DGKI: variants seen among roughly 807,000 people sequenced by gnomAD.
DGKI encodes DAG kinase iota.
A neutral mutation model predicts 147.5 loss-of-function variants in DGKI; 55 were observed. The observed-to-expected ratio is 0.37, with a 90% CI of 0.30 to 0.47. The LOEUF (loss-of-function observed/expected upper bound fraction) is 0.47. Ranked by LOEUF, DGKI falls within the 20% of genes least tolerant of loss-of-function variation. The pLI is 1.00. For missense variants in DGKI, 1,007 were observed against 1,323.8 expected (o/e 0.76, Z 3.71); for synonymous variants, 469 against 477.1 (o/e 0.98, Z 0.22).
chr7:137,691,836 CCTAT>C (rs1471319221), intron 1 of DGKI, among the ~76,000 whole-genome samples: 1 of 72,652 alleles, frequency 1.4e-5, no homozygotes, highest in African/African-American at 6.5e-5. Flanking sequence ...CTCTTGTATT[CCTAT>C]ACAGGAAGTC....
At chr7:137,645,739 T>C (rs1821802712) in intron 5 of DGKI, among the ~76,000 whole-genome samples, 1 of 152,210 alleles carries the variant, frequency 6.6e-6, no homozygotes. Context: ...ATTGAGTATG[T>C]TTTAATTTGC....
At chr7:137,591,565 G>A (rs1412697332) in intron 12 of DGKI, among the ~76,000 whole-genome samples, 1 of 152,070 alleles carries the variant, frequency 6.6e-6, no homozygotes, top group Non-Finnish European at 1.5e-5. Flanking sequence ...GTGGGGCACC[G>A]AGCTGAGCGG....
At chr7:137,496,905 A>G (rs1049143705) in intron 21 of DGKI, among the ~76,000 whole-genome samples, 1 of 152,172 alleles carries the variant, frequency 6.6e-6, no homozygotes, top group African/African-American at 2.4e-5. Flanking sequence ...TTTCATGACA[A>G]AGATACCAAA....
intron 23 of DGKI, among the ~76,000 whole-genome samples, chr7:137,484,464 T>C (rs762877128): frequency 1.3e-5 from 2 of 151,980 alleles, no homozygotes; most frequent in Non-Finnish European, 2.9e-5. Context: ...TGGAGAGAAT[T>C]GTTGGCATGC....
intron 12 of DGKI, among the ~76,000 whole-genome samples, chr7:137,592,720 A>T (rs1348484110): frequency 6.6e-6 from 1 of 152,260 alleles, no homozygotes; most frequent in Non-Finnish European, 1.5e-5. Context: ...ATGACCACAC[A>T]GTATTGGATG....
At chr7:137,737,379 C>A (rs1477583928) in intron 1 of DGKI, among the ~76,000 whole-genome samples, 8 of 151,944 alleles carry the variant, frequency 5.3e-5, no homozygotes, top group African/African-American at 1.7e-4. Context: ...AATCTGCATT[C>A]TATTCATAAT....
intron 1 of DGKI, among the ~76,000 whole-genome samples, chr7:137,780,997 T>C (rs1796501734): frequency 6.6e-6 from 1 of 152,308 alleles, no homozygotes; most frequent in Non-Finnish European, 1.5e-5. Context: ...TCTGTGCAGT[T>C]TGGGGAACAA....
At chr7:137,576,857 T>A (rs751661986) in intron 17 of DGKI, among the ~76,000 whole-genome samples, 1 of 151,566 alleles carries the variant, frequency 6.6e-6, no homozygotes, top group East Asian at 1.9e-4. Context: ...GCTAACATCA[T>A]TTTTTTTTAT....
At chr7:137,472,320 T>TATTATATGTATATACATATAA in intron 23 of DGKI, among the ~76,000 whole-genome samples, 1,171 of 12,294 alleles carry the variant, frequency 0.095, 235 homozygotes, top group African/African-American at 0.19. Flanking sequence ...ATACATATAA[T>TATTATATGTATATACATATAA]TATTATATGT....
At chr7:137,813,414 G>T (rs903615341) in intron 1 of DGKI, among the ~76,000 whole-genome samples, 1 of 152,204 alleles carries the variant, frequency 6.6e-6, no homozygotes, top group Non-Finnish European at 1.5e-5. Context: ...CAGGAAGAAA[G>T]AATGAAAGTG....
At chr7:137,543,740 C>T (rs1484174903) in intron 20 of DGKI, among the ~76,000 whole-genome samples, 1 of 152,130 alleles carries the variant, frequency 6.6e-6, no homozygotes, top group Non-Finnish European at 1.5e-5. Flanking sequence ...TACTGGGGCT[C>T]CTAACTTCTA....
At chr7:137,798,629 A>G (rs1797105852) in intron 1 of DGKI, among the ~76,000 whole-genome samples, 1 of 152,074 alleles carries the variant, frequency 6.6e-6, no homozygotes, top group Admixed American at 6.6e-5. Context: ...CATGTTGCTC[A>G]GGCTAGTCTT....
chr7:137,827,644 T>C (rs1338696974), intron 1 of DGKI, among the ~76,000 whole-genome samples: 1 of 152,212 alleles, frequency 6.6e-6, no homozygotes, highest in Non-Finnish European at 1.5e-5. Context: ...ATCATGTGCA[T>C]CATGCTATGC....
intron 1 of DGKI, among the ~76,000 whole-genome samples, chr7:137,832,046 T>A (rs1372876127): frequency 6.6e-6 from 1 of 152,216 alleles, no homozygotes; most frequent in African/African-American, 2.4e-5. Context: ...AAGAGATGGG[T>A]TCCCATGGTC....
chr7:137,443,222 G>A (rs921454532), intron 28 of DGKI, among the ~76,000 whole-genome samples: 1 of 152,100 alleles, frequency 6.6e-6, no homozygotes, highest in African/African-American at 2.4e-5. Flanking sequence ...TTGAAAAGCT[G>A]AACACAATTA....
chr7:137,761,132 T>C (rs1279817876), intron 1 of DGKI, among the ~76,000 whole-genome samples: 1 of 152,238 alleles, frequency 6.6e-6, no homozygotes, highest in African/African-American at 2.4e-5. Context: ...GTCTGTTTCT[T>C]TGTTTTGCCT....
At chr7:137,618,153 T>TATATATATATATATATATATATATA (rs1563114668) in intron 8 of DGKI, among the ~76,000 whole-genome samples, 1 of 9,640 alleles carries the variant, frequency 1.0e-4, no homozygotes, top group African/African-American at 1.8e-4. Flanking sequence ...ATATATATAT[T>TATATATATATATATATATATATATA]TTTTTTTTTT....
intron 19 of DGKI, among the ~76,000 whole-genome samples, chr7:137,564,764 T>A (rs1818527072): frequency 6.6e-6 from 1 of 152,240 alleles, no homozygotes; most frequent in Non-Finnish European, 1.5e-5. Context: ...ATCATTTATG[T>A]CTGTATCCAT....
intron 1 of DGKI, among the ~76,000 whole-genome samples, chr7:137,725,035 T>C (rs1794679968): frequency 6.6e-6 from 1 of 152,144 alleles, no homozygotes; most frequent in African/African-American, 2.4e-5. Flanking sequence ...GGCAAAGCTC[T>C]TTATACAGAG....
Sources: gnomAD v4.1 joint callset for allele counts (sites outside exome capture counted in the v4.1 genomes callset) on GRCh38, gnomAD v4.1.1 for gene constraint, MANE v1.5 for transcripts, NCBI Gene and HGNC (gene_info 2026-07-23, HGNC 2026-07-21) for gene names.